The following NAALADL2 variants were observed in gnomAD, a reference collection of about 807,000 sequenced individuals.
The protein encoded by NAALADL2 is inactive N-acetylated-alpha-linked acidic dipeptidase-like protein 2.
NAALADL2 carries 76 observed loss-of-function variants against 87.2 expected under a neutral mutation model. The observed-to-expected ratio is 0.87, with a 90% CI of 0.72 to 1.05. The LOEUF is 1.05. Among genes scored for constraint, NAALADL2 ranks in the 50% least tolerant of loss-of-function variants. The pLI is 0.00. For missense variants in NAALADL2, 1,089 were observed against 945.8 expected, an observed-to-expected ratio of 1.15 and a Z score of -1.99; for synonymous variants, 354 against 331.0, an observed-to-expected ratio of 1.07 and a Z score of -0.75.
At chr3:175,648,492 CTT>C (rs530477119) in intron 11 of NAALADL2, among the ~76,000 whole-genome samples, 63 of 127,606 alleles carry the variant, frequency 4.9e-4, no homozygotes, top group Non-Finnish European at 4.5e-4. Context: ...AGACAATTTT[CTT>C]TTTTTTTTTT....
intron 1 of NAALADL2, among the ~76,000 whole-genome samples, chr3:174,902,457 C>A (rs868751779): frequency 6.6e-6 from 1 of 151,852 alleles, no homozygotes; most frequent in African/African-American, 2.4e-5. Flanking sequence ...TGGGGTTTAA[C>A]TAAAATAAGT....
At chr3:174,893,594 T>C (rs1731130910) in intron 1 of NAALADL2, among the ~76,000 whole-genome samples, 1 of 152,212 alleles carries the variant, frequency 6.6e-6, no homozygotes, top group Non-Finnish European at 1.5e-5. Flanking sequence ...GTTTCCTTTG[T>C]GCTTATTTGA....
chr3:175,198,090 T>A (rs1469199973), intron 2 of NAALADL2, among the ~76,000 whole-genome samples: 1 of 152,140 alleles, frequency 6.6e-6, no homozygotes, highest in East Asian at 1.9e-4. Flanking sequence ...CCCTGGCTTT[T>A]AATATCTAAT....
At chr3:175,697,764 T>C (rs1560992507) in intron 11 of NAALADL2, among the ~76,000 whole-genome samples, 1 of 146,816 alleles carries the variant, frequency 6.8e-6, no homozygotes, top group African/African-American at 2.5e-5. Flanking sequence ...TAAATGTATG[T>C]ATACATATAT....
chr3:175,487,427 G>C (rs533407559), intron 9 of NAALADL2: 1 of 438,320 alleles, frequency 2.3e-6, no homozygotes, highest in East Asian at 7.0e-5. Flanking sequence ...CTGGTACTTA[G>C]TGGGTTCTAA....
intron 11 of NAALADL2, among the ~76,000 whole-genome samples, chr3:175,699,630 A>C (rs147772649): frequency 4.6e-5 from 7 of 152,078 alleles, no homozygotes; most frequent in African/African-American, 1.7e-4. Flanking sequence ...GATATATTGA[A>C]CAAGTATTAA....
At chr3:174,652,421 G>A (rs1240176494) in intron 2 of NAALADL2, among the ~76,000 whole-genome samples, 1 of 152,178 alleles carries the variant, frequency 6.6e-6, no homozygotes, top group African/African-American at 2.4e-5. Context: ...ATAAAGGAAA[G>A]GGGTTTAATC....
rs990100129 is a variant in NAALADL2 at position 175,544,075 on chromosome 3, G to A, written c.1654-31966G>A. 2.6e-5 allele frequency among the ~76,000 whole-genome samples: 4 copies of A among 152,128 alleles called. No homozygotes were observed. In the South Asian group the frequency reaches 8.3e-4, roughly 32 times the overall value. ...GTAGTTTTCAAAAAACCAAGGGTAGGAGGACAGGGCTCGGATAAAGTTCAA... is the reference window on the plus strand; with the variant it reads ...GTAGTTTTCAAAAAACCAAGGGTAGAAGGACAGGGCTCGGATAAAGTTCAA... On this transcript the variant is annotated intron_variant, in intron 9 of 13. Transcript: ENST00000454872.
At chr3:174,648,699 A>AT (rs1724053154) in intron 2 of NAALADL2, among the ~76,000 whole-genome samples, 1 of 152,080 alleles carries the variant, frequency 6.6e-6, no homozygotes, top group East Asian at 1.9e-4. Flanking sequence ...CAATTTTAAT[A>AT]TTTTTTATTA....
At chr3:175,433,339 G>C (rs1003258977) in intron 5 of NAALADL2, among the ~76,000 whole-genome samples, 3 of 152,002 alleles carry the variant, frequency 2.0e-5, no homozygotes, top group African/African-American at 7.2e-5. Flanking sequence ...TTGTGAAGAA[G>C]ATTAAATGAA....
intron 1 of NAALADL2, among the ~76,000 whole-genome samples, chr3:175,068,420 A>C (rs1714952269): frequency 6.6e-6 from 1 of 152,152 alleles, no homozygotes; most frequent in Non-Finnish European, 1.5e-5. Flanking sequence ...GTATATGCAT[A>C]ATATTCAAAG....
At chr3:175,627,430 C>A in intron 11 of NAALADL2, 44 bp downstream of exon 11, 1 of 1,271,982 alleles carries the variant, frequency 7.9e-7, no homozygotes, top group Non-Finnish European at 1.1e-6. Context: ...AATATTTGTT[C>A]TTCTTTATTG....
intron 9 of NAALADL2, among the ~76,000 whole-genome samples, chr3:175,550,555 G>A (rs369597957): frequency 6.6e-6 from 1 of 152,186 alleles, no homozygotes; most frequent in Non-Finnish European, 1.5e-5. Flanking sequence ...TAAGGATACT[G>A]ATTGGTATTT....
At chr3:174,908,631 C>T (rs1733282345) in intron 1 of NAALADL2, among the ~76,000 whole-genome samples, 1 of 151,986 alleles carries the variant, frequency 6.6e-6, no homozygotes, top group South Asian at 2.1e-4. Flanking sequence ...AGAAATATAA[C>T]CTCTTGCTTT....
chr3:175,699,245 T>C (rs1036038134), intron 11 of NAALADL2, among the ~76,000 whole-genome samples: 1 of 151,946 alleles, frequency 6.6e-6, no homozygotes, highest in African/African-American at 2.4e-5. Flanking sequence ...AAAAATAATG[T>C]TGAGAACCAT....
chr3:174,486,020 A>G (rs888769808), intron 1 of NAALADL2, among the ~76,000 whole-genome samples: 1 of 152,040 alleles, frequency 6.6e-6, no homozygotes, highest in Non-Finnish European at 1.5e-5. Context: ...AAACAGAACT[A>G]CCATTCAACT....
intron 2 of NAALADL2, among the ~76,000 whole-genome samples, chr3:175,155,731 A>G (rs1052394073): frequency 2.0e-5 from 3 of 152,162 alleles, no homozygotes; most frequent in Non-Finnish European, 4.4e-5. Flanking sequence ...GTGTTCCCCA[A>G]TAACTGGGCA....
intron 2 of NAALADL2, among the ~76,000 whole-genome samples, chr3:174,602,788 G>A (rs555600176): frequency 6.6e-6 from 1 of 152,008 alleles, no homozygotes; most frequent in South Asian, 2.1e-4. Flanking sequence ...TTCTTATGTT[G>A]AAGTGTGTTC....
chr3:175,681,506 C>A (rs946341661), intron 11 of NAALADL2, among the ~76,000 whole-genome samples: 1 of 152,116 alleles, frequency 6.6e-6, no homozygotes, highest in Non-Finnish European at 1.5e-5. Flanking sequence ...TAATTCTTGT[C>A]CAAAACTTGT....
Sources: allele counts gnomAD v4.1 joint callset (sites outside exome capture counted in the v4.1 genomes callset), GRCh38; gene constraint gnomAD v4.1.1; transcripts MANE v1.5; gene names NCBI Gene and HGNC (gene_info 2026-07-23, HGNC 2026-07-21).